The following IDH1 variants were observed in gnomAD, a reference collection of about 807,000 sequenced individuals.
The protein encoded by IDH1 is isocitrate dehydrogenase [NADP] cytoplasmic.
A neutral mutation model predicts 46.1 loss-of-function variants in IDH1; 33 were observed. The ratio of observed to expected loss-of-function variants is 0.72; its 90% CI spans 0.54 to 0.96. IDH1 has a LOEUF of 0.96. Ranked by LOEUF, IDH1 falls within the 40% of genes least tolerant of loss-of-function variation. The pLI is 0.00. For missense variants in IDH1, 421 were observed against 515.7 expected, an observed-to-expected ratio of 0.82 and a Z score of 1.78; for synonymous variants, 144 against 172.8, an observed-to-expected ratio of 0.83 and a Z score of 1.31.
At chr2:208,250,759 G>C (rs981770827) in intron 3 of IDH1, among the ~76,000 whole-genome samples, 1 of 152,202 alleles carries the variant, frequency 6.6e-6, no homozygotes, top group African/African-American at 2.4e-5. Context: ...AATTTTGCTG[G>C]AAAGGAGGGG....
At chr2:208,240,426 C>T (rs1403239804) in intron 7 of IDH1, 1 of 159,128 alleles carries the variant, frequency 6.3e-6, no homozygotes, top group Non-Finnish European at 1.4e-5. Flanking sequence ...ATTTATATTC[C>T]TTAGAATAGT....
chr2:208,253,853 ACAG>A (rs1688166531), intron 2 of IDH1, 30 bp downstream of exon 2: 1 of 152,232 alleles, frequency 6.6e-6, no homozygotes, highest in Non-Finnish European at 1.5e-5. Flanking sequence ...CAAAGAAAGT[ACAG>A]AAGAAGGGGG....
rs766985383 is a variant in IDH1, at chr2:208,239,974, C to T, written c.880G>A (p.Val294Met). 39 of 1,614,050 alleles carry T rather than the reference C, an allele frequency of 2.4e-5. No homozygotes were observed. The highest frequency in any genetic ancestry group is 1.1e-4 in the African/African-American group (8 of 74,926). The stretch of plus-strand genomic sequence containing the variant: ...GTCTTGCCATCTGGACAAACCAGCA[C>T]GCTGGTCATCATGCCGAGAGAGCCA... ...GYGSLGMMTSVLVCPDGKTVE... is the reference protein window; with the variant it reads ...GYGSLGMMTSMLVCPDGKTVE... The change falls in exon 8 of 10, where the codon GTG becomes ATG. Residue 294 changes from valine (V) to methionine (M), a missense_variant. Physicochemically the swap from Val to Met is conservative, Grantham distance 21 (BLOSUM62 1). Transcript: ENST00000345146.
chr2:208,250,828 G>A (rs942174127), intron 3 of IDH1, among the ~76,000 whole-genome samples: 5 of 152,152 alleles, frequency 3.3e-5, no homozygotes, highest in African/African-American at 1.2e-4. Flanking sequence ...AAGGGCAAAA[G>A]GTGAGGCATG....
At position 208,251,575 on chromosome 2, in the gene IDH1, GA is replaced by G. The variant is rs139018716; in HGVS notation, c.-16-9del. 1,713 of 1,482,556 alleles carry G rather than the reference GA, an allele frequency of 1.2e-3. 1 individual carries two copies. Among genetic ancestry groups the G allele is most frequent in the African/African-American group, 2.0e-3 (140 of 70,044 alleles). 91.8% of individuals were successfully genotyped at this position (1,482,556 alleles called of 1,614,324 possible). On this transcript the variant is annotated splice_polypyrimidine_tract_variant and intron_variant, in intron 2 of 9. Transcript: ENST00000345146. ...ATTTTGACTTCAATAAACCTAAAAAGAAAAAAAAAATACATGCCTTGTCATT... is the reference window on the plus strand; with the variant it reads ...ATTTTGACTTCAATAAACCTAAAAAGAAAAAAAAATACATGCCTTGTCATT...
Position 208,239,937 on chromosome 2 carries a change from T to G in IDH1, c.917A>C (p.Glu306Ala), listed in dbSNP as rs138458978. The G allele has an allele frequency of 4.0e-5, 64 of 1,614,038 alleles. No individual in the cohort carries two copies. The highest frequency in any genetic ancestry group is 5.3e-5 in the Non-Finnish European group (63 of 1,180,008). The part of the protein sequence containing the change: ...VCPDGKTVEA[E>A]AAHGTVTRHY... ...ACGGGTTACAGTCCCGTGGGCAGCC[T>G]CTGCTTCTACTGTCTTGCCATCTGG... The change falls in exon 8 of 10, where the codon GAG (glutamate) becomes GCG (alanine). Residue 306 changes from glutamate (E) to alanine (A), a missense_variant. Glu to Ala is a moderately radical substitution (Grantham distance 107). Transcript: ENST00000345146.
In IDH1 at chr2:208,243,532, T is replaced by C. The variant is rs374340555; in HGVS notation, c.593A>G (p.Gln198Arg). ...AGGCCAACCCTTAGACAGAGCCATT[T>C]GGAAGGAACTGTGTGCAAAATCTTC... is the stretch of plus-strand genomic sequence containing the variant. ...SIEDFAHSSF[Q>R]MALSKGWPLY... The change falls in exon 6 of 10, where the codon CAA becomes CGA. Residue 198 changes from glutamine (Q) to arginine (R), a missense_variant. Transcript: ENST00000345146. 3.2e-5 allele frequency: 52 copies of C among 1,613,564 alleles called. 1 individual carries two copies. Among genetic ancestry groups the C allele is most frequent in the Non-Finnish European group, 3.9e-5 (46 of 1,179,544 alleles).
chr2:208,239,055 G>C lies in IDH1; in HGVS notation c.1154+16C>G. 6.2e-7 allele frequency: 1 copy of C among 1,611,010 alleles called. No homozygotes were observed. Among genetic ancestry groups the C allele is most frequent in the Non-Finnish European group, 8.5e-7 (1 of 1,177,384 alleles). On this transcript the variant is annotated intron_variant, in intron 9 of 9. Coordinates refer to ENST00000345146, the MANE Select transcript of IDH1 (RefSeq NM_005896.4). ...GTGTTAATTTGACCATAGAAACTAG[G>C]GCATCTTATACTTACTTGGGTAAAC...
intron 3 of IDH1, among the ~76,000 whole-genome samples, chr2:208,250,454 G>C (rs1195087373): frequency 1.3e-5 from 2 of 152,052 alleles, no homozygotes; most frequent in African/African-American, 2.4e-5. Flanking sequence ...GACATTATGT[G>C]AATTAAATGT....
chr2:208,244,719 G>A (rs758135995), intron 5 of IDH1, among the ~76,000 whole-genome samples: 6 of 152,202 alleles, frequency 3.9e-5, no homozygotes, highest in Non-Finnish European at 8.8e-5. Context: ...GTAGGTGAGT[G>A]TTGGGTATTT....
Position 208,248,391 on chromosome 2 carries a change from C to A in IDH1, c.392G>T (p.Gly131Val), listed in dbSNP as rs2124862682. The change falls in exon 4 of 10, where the codon GGT (glycine) becomes GTT (valine). Residue 131 changes from glycine (G) to valine (V), a missense_variant. Physicochemically the swap from Gly to Val is moderately radical, Grantham distance 109. Transcript: ENST00000345146. Reference sequence around the variant, plus strand: ...TACTTGATCCCCATAAGCATGACGACCTATGATGATAGGTTTTACCCATCC... The same window carrying A: ...TACTTGATCCCCATAAGCATGACGAACTATGATGATAGGTTTTACCCATCC... ...VSGWVKPIII[G>V]RHAYGDQYRA... The A allele has an allele frequency of 1.2e-6, 2 of 1,613,894 alleles. No homozygotes were observed. The highest frequency in any genetic ancestry group is 2.2e-5 in the South Asian group (2 of 91,072).
At position 208,242,013 on chromosome 2, in the gene IDH1, C is replaced by T; in HGVS notation, c.831G>A (p.Gln277=). The T allele has an allele frequency of 6.2e-7, 1 of 1,612,422 alleles. No individual in the cohort carries two copies. The change falls in exon 7 of 10, where the codon CAG becomes CAA. Residue 277 remains glutamine, a synonymous_variant. Transcript: ENST00000345146. ...WACKNYDGDV[Q]SDSVAQGYGS... ...CTGTACCTTGGGCCACAGAGTCCGA[C>T]TGCACGTCACCATCATAGTTTTTAC... is the stretch of plus-strand genomic sequence containing the variant.
Position 208,237,005 on chromosome 2 carries a change from T to G in IDH1, c.*74A>C. Reference sequence around the variant, plus strand: ...AATTGATTTTGCCTTTATCCTTGAGTGTAACACAGAAAAATGTAAACCTGT... The same window carrying G: ...AATTGATTTTGCCTTTATCCTTGAGGGTAACACAGAAAAATGTAAACCTGT... On this transcript the variant is annotated 3_prime_UTR_variant, in exon 10 of 10. Coordinates refer to ENST00000345146, the MANE Select transcript of IDH1 (RefSeq NM_005896.4). 1.2e-6 allele frequency: 1 copy of G among 813,448 alleles called. No individual in the cohort carries two copies. Among genetic ancestry groups the G allele is most frequent in the Admixed American group, 2.0e-5 (1 of 49,282 alleles). 50.4% of individuals were successfully genotyped at this position (813,448 alleles called of 1,614,324 possible). A position where few individuals can be genotyped will look rare whatever the true frequency, so the allele number is the denominator to read the frequency against.
chr2:208,251,237 TCC>T, intron 3 of IDH1, 191 bp downstream of exon 3: 1 of 489,594 alleles, frequency 2.0e-6, no homozygotes, highest in Admixed American at 3.7e-5. Context: ...TTCCTGTTTC[TCC>T]TTCCCTTTTT....
rs2124863585 is a variant in IDH1, at chr2:208,248,563, C to A, written c.220G>T (p.Ala74Ser). Residue 74 changes from alanine (A) to serine (S), a missense_variant, in exon 4 of 10, where the codon GCC becomes TCC. Coordinates refer to ENST00000345146, the MANE Select transcript of IDH1 (RefSeq NM_005896.4). ...CTCTTCTCATCAGGAGTGATAGTGG[C>A]ACATTTGACGCCAACATTATGCTTC... The part of the protein sequence containing the change: ...IKKHNVGVKC[A>S]TITPDEKRVE... The A allele has an allele frequency of 6.2e-7, 1 of 1,614,176 alleles. No individual in the cohort carries two copies. The highest frequency in any genetic ancestry group is 8.5e-7 in the Non-Finnish European group (1 of 1,179,994).
chr2:208,244,455 CT>C (rs1687980489), intron 5 of IDH1, among the ~76,000 whole-genome samples: 1 of 152,226 alleles, frequency 6.6e-6, no homozygotes, highest in African/African-American at 2.4e-5. Flanking sequence ...ATTTCAAATA[CT>C]GAATGAAAAT....
chr2:208,253,147 T>G (rs1688153786), intron 2 of IDH1, among the ~76,000 whole-genome samples: 1 of 152,222 alleles, frequency 6.6e-6, no homozygotes, highest in Non-Finnish European at 1.5e-5. Context: ...GCAAATACAG[T>G]TAATAGAGGT....
chr2:208,241,723 AGG>A, intron 7 of IDH1, among the ~76,000 whole-genome samples: 1 of 152,266 alleles, frequency 6.6e-6, no homozygotes, highest in East Asian at 1.9e-4. Context: ...GGGCAGGGAA[AGG>A]GAGTGATTTT....
At chr2:208,245,294 A>C (rs368411486) in intron 5 of IDH1, 25 bp downstream of exon 5, 76 of 1,112,060 alleles carry the variant, frequency 6.8e-5, no homozygotes, top group Admixed American at 3.1e-4. Context: ...AAAAAAAAAG[A>C]AGCTTATGCT....
Sources: allele counts gnomAD v4.1 joint callset (sites outside exome capture counted in the v4.1 genomes callset), GRCh38; gene constraint gnomAD v4.1.1; transcripts MANE v1.5; gene names NCBI Gene and HGNC (gene_info 2026-07-23, HGNC 2026-07-21).